Variants in ATXN7L1 observed in about 807,000 individuals in gnomAD.
ATXN7L1 encodes ataxin-7-like protein 1.
In ATXN7L1, 15 loss-of-function variants were observed where a neutral mutation model predicts 70.8. That is an observed-to-expected ratio of 0.21 (90% CI 0.14 to 0.33). The LOEUF (loss-of-function observed/expected upper bound fraction) is 0.33. Among genes scored for constraint, ATXN7L1 ranks in the 10% least tolerant of loss-of-function variants. The pLI, the probability that ATXN7L1 is intolerant of heterozygous loss-of-function variation, is 1.00. For synonymous variants in ATXN7L1, 440 were observed against 445.1 expected, an observed-to-expected ratio of 0.99 and a Z score of 0.14; for missense variants, 975 against 1,097.1, an observed-to-expected ratio of 0.89 and a Z score of 1.57.
intron 2 of ATXN7L1, among the ~76,000 whole-genome samples, chr7:105,828,438 A>G (rs1811165616): frequency 6.6e-6 from 1 of 152,190 alleles, no homozygotes; most frequent in Non-Finnish European, 1.5e-5. Context: ...CACACACAGC[A>G]TCTTGGAAAG....
chr7:105,873,120 C>T (rs1451731684), intron 2 of ATXN7L1, among the ~76,000 whole-genome samples: 1 of 152,218 alleles, frequency 6.6e-6, no homozygotes, highest in South Asian at 2.1e-4. Flanking sequence ...CGCCACTGCA[C>T]TCCAGCCTGG....
chr7:105,748,838 T>C (rs1371181323), intron 3 of ATXN7L1, among the ~76,000 whole-genome samples: 1 of 152,182 alleles, frequency 6.6e-6, no homozygotes, highest in African/African-American at 2.4e-5. Context: ...GGTGGTCTCA[T>C]GAGGCAGCAG....
At chr7:105,869,717 CAT>C (rs1358558766) in intron 2 of ATXN7L1, among the ~76,000 whole-genome samples, 1 of 152,140 alleles carries the variant, frequency 6.6e-6, no homozygotes, top group African/African-American at 2.4e-5. Flanking sequence ...CACATCAAAA[CAT>C]GTGGGAACGT....
intron 2 of ATXN7L1, among the ~76,000 whole-genome samples, chr7:105,790,618 C>T (rs1585012891): frequency 7.2e-6 from 1 of 138,808 alleles, no homozygotes; most frequent in African/African-American, 2.6e-5. Flanking sequence ...ATCTATCTAT[C>T]TATCTATCTA....
chr7:105,798,278 C>T (rs1056057748), intron 2 of ATXN7L1, among the ~76,000 whole-genome samples: 3 of 152,230 alleles, frequency 2.0e-5, no homozygotes, highest in African/African-American at 7.2e-5. Context: ...AGGCCCCCTT[C>T]AGAGCCAGTG....
At chr7:105,771,136 GTTGCAGTGAGCCGAGA>G (rs1338943452) in intron 3 of ATXN7L1, among the ~76,000 whole-genome samples, 2 of 151,734 alleles carry the variant, frequency 1.3e-5, no homozygotes, top group African/African-American at 2.4e-5. Flanking sequence ...GGAGGCAGAG[GTTGCAGTGAGCCGAGA>G]TCGCGCCACT....
intron 2 of ATXN7L1, among the ~76,000 whole-genome samples, chr7:105,850,455 G>A (rs1814709754): frequency 6.6e-6 from 1 of 152,264 alleles, no homozygotes; most frequent in Non-Finnish European, 1.5e-5. Flanking sequence ...CATGCATTGA[G>A]CTAAATGCTG....
intron 4 of ATXN7L1, among the ~76,000 whole-genome samples, chr7:105,649,112 C>T (rs983639633): frequency 1.3e-5 from 2 of 152,228 alleles, no homozygotes; most frequent in East Asian, 1.9e-4. Context: ...TTCCCAAAGT[C>T]GCACAATTAG....
chr7:105,748,873 T>G (rs1798874806), intron 3 of ATXN7L1, among the ~76,000 whole-genome samples: 1 of 152,142 alleles, frequency 6.6e-6, no homozygotes, highest in Non-Finnish European at 1.5e-5. Flanking sequence ...AACTTTCCTT[T>G]CCTGAAAAAT....
At chr7:105,835,584 T>G in intron 2 of ATXN7L1, among the ~76,000 whole-genome samples, 1 of 152,124 alleles carries the variant, frequency 6.6e-6, no homozygotes, top group East Asian at 1.9e-4. Flanking sequence ...GACCAGCATT[T>G]CCATTTCAGA....
intron 3 of ATXN7L1, among the ~76,000 whole-genome samples, chr7:105,699,435 C>T (rs1197891871): frequency 6.6e-6 from 1 of 152,146 alleles, no homozygotes; most frequent in African/African-American, 2.4e-5. Context: ...CTCGGCCATT[C>T]CACTGTATTT....
chr7:105,857,388 C>T (rs1217565559), intron 2 of ATXN7L1, among the ~76,000 whole-genome samples: 1 of 152,206 alleles, frequency 6.6e-6, no homozygotes, highest in Admixed American at 6.5e-5. Flanking sequence ...ATCAGAGTTC[C>T]CAGGTGCTGC....
chr7:105,825,269 G>C (rs1245506910), intron 2 of ATXN7L1, among the ~76,000 whole-genome samples: 1 of 152,168 alleles, frequency 6.6e-6, no homozygotes, highest in Admixed American at 6.5e-5. Flanking sequence ...TAGCAAAAGA[G>C]GGAGTAAATT....
At chr7:105,787,060 G>GTACCAC (rs1804408544) in intron 3 of ATXN7L1, among the ~76,000 whole-genome samples, 2 of 71,240 alleles carry the variant, frequency 2.8e-5, no homozygotes, top group Admixed American at 2.6e-4. Context: ...TCAGCTGGTG[G>GTACCAC]TACCAGCTGA....
chr7:105,707,306 G>A (rs1252517520), intron 3 of ATXN7L1, among the ~76,000 whole-genome samples: 3 of 152,200 alleles, frequency 2.0e-5, no homozygotes, highest in Non-Finnish European at 4.4e-5. Flanking sequence ...TTGTTTGTGG[G>A]AAGAAGTGGA....
chr7:105,648,325 C>T (rs114696416), intron 4 of ATXN7L1, among the ~76,000 whole-genome samples: 1 of 152,154 alleles, frequency 6.6e-6, no homozygotes, highest in Non-Finnish European at 1.5e-5. Context: ...TCTAAGGGAA[C>T]CTGCCTTGGC....
chr7:105,837,160 T>A (rs1812511136), intron 2 of ATXN7L1, among the ~76,000 whole-genome samples: 2 of 152,286 alleles, frequency 1.3e-5, no homozygotes, highest in Non-Finnish European at 2.9e-5. Context: ...ACCAAAGGGA[T>A]GGCTCAAGCC....
At chr7:105,837,126 A>T (rs1193044674) in intron 2 of ATXN7L1, among the ~76,000 whole-genome samples, 1 of 152,040 alleles carries the variant, frequency 6.6e-6, no homozygotes, top group African/African-American at 2.4e-5. Flanking sequence ...TCTTGTGTGA[A>T]CTCAGAGCGT....
rs552272804 is a variant in ATXN7L1, at chr7:105,720,566, G to A, written c.356-55278C>T. Among the ~76,000 whole-genome samples, 9 of 152,256 alleles carry A rather than the reference G, an allele frequency of 5.9e-5. No homozygotes were observed. The South Asian group carries it at 1.7e-3, about 28-fold the overall frequency. On this transcript the variant is annotated intron_variant, in intron 3 of 11. Transcript: ENST00000419735. Reference sequence around the variant, plus strand: ...CCCGAGTAGTTGGGACTACAGGCATGTGCCACCATGCCTGGCTAATTTTTA... The same window carrying A: ...CCCGAGTAGTTGGGACTACAGGCATATGCCACCATGCCTGGCTAATTTTTA...
Sources: allele counts gnomAD v4.1 joint callset (sites outside exome capture counted in the v4.1 genomes callset), GRCh38; gene constraint gnomAD v4.1.1; transcripts MANE v1.5; gene names NCBI Gene and HGNC (gene_info 2026-07-23, HGNC 2026-07-21).